The following CTNNA2 variants were observed in gnomAD, a reference collection of about 807,000 sequenced individuals.
CTNNA2 encodes the protein catenin alpha-2.
Under a neutral mutation model 101.0 loss-of-function variants are expected in CTNNA2, and 42 were observed. The ratio of observed to expected loss-of-function variants is 0.42; its 90% CI spans 0.32 to 0.54. CTNNA2 has a LOEUF of 0.54. CTNNA2 is among the 20% of genes least tolerant of loss of function. The pLI, the probability that CTNNA2 is intolerant of heterozygous loss-of-function variation, is 0.14. For synonymous variants in CTNNA2, 450 were observed against 456.4 expected (o/e 0.99, Z 0.18); for missense variants, 871 against 1,223.1 (o/e 0.71, Z 4.29).
chr2:79,501,049 G>C (rs750075619), intron 4 of CTNNA2, among the ~76,000 whole-genome samples: 3 of 152,110 alleles, frequency 2.0e-5, no homozygotes, highest in Non-Finnish European at 2.9e-5. Context: ...TCCTGAATTA[G>C]ACCTCTAAAT....
chr2:79,333,568 A>G (rs1676925682), intron 3 of CTNNA2, among the ~76,000 whole-genome samples: 1 of 152,180 alleles, frequency 6.6e-6, no homozygotes, highest in Non-Finnish European at 1.5e-5. Context: ...TCCAGCCAAC[A>G]TTTATTCCTG....
intron 15 of CTNNA2, among the ~76,000 whole-genome samples, chr2:80,593,352 T>C (rs115776936): frequency 6.6e-6 from 1 of 151,828 alleles, no homozygotes; most frequent in East Asian, 1.9e-4. Context: ...TGTTTTTTTG[T>C]TTGTTTGTTT....
intron 7 of CTNNA2, among the ~76,000 whole-genome samples, chr2:80,160,489 C>T (rs1026508481): frequency 1.3e-5 from 2 of 152,088 alleles, no homozygotes; most frequent in Non-Finnish European, 2.9e-5. Context: ...TAGTTTTCAG[C>T]CAACAAATTC....
intron 3 of CTNNA2, among the ~76,000 whole-genome samples, chr2:79,354,497 A>G (rs904392416): frequency 1.8e-4 from 28 of 152,182 alleles, no homozygotes; most frequent in African/African-American, 6.0e-4. Flanking sequence ...GTATTATAGA[A>G]TTCCTGTAGT....
chr2:79,314,586 T>C (rs1676455004), intron 3 of CTNNA2, among the ~76,000 whole-genome samples: 1 of 152,238 alleles, frequency 6.6e-6, no homozygotes, highest in Non-Finnish European at 1.5e-5. Flanking sequence ...AGAATAATTT[T>C]AGGCATCTTT....
At chr2:79,794,848 G>T (rs1423558252) in intron 3 of CTNNA2, among the ~76,000 whole-genome samples, 1 of 152,104 alleles carries the variant, frequency 6.6e-6, no homozygotes, top group Non-Finnish European at 1.5e-5. Flanking sequence ...TCTTACTTCA[G>T]GCTCCCTCTT....
intron 2 of CTNNA2, among the ~76,000 whole-genome samples, chr2:79,246,613 C>T (rs544244291): frequency 3.2e-4 from 48 of 152,262 alleles, no homozygotes; most frequent in African/African-American, 1.1e-3. Flanking sequence ...AGGGAAGACC[C>T]AATAAACATC....
At chr2:80,266,035 C>T (rs950480097) in intron 7 of CTNNA2, among the ~76,000 whole-genome samples, 5 of 152,132 alleles carry the variant, frequency 3.3e-5, no homozygotes, top group Non-Finnish European at 7.3e-5. Flanking sequence ...TATCGAGGCA[C>T]TAAAAATTGA....
chr2:79,796,482 A>T (rs1281272398), intron 3 of CTNNA2, among the ~76,000 whole-genome samples: 3 of 152,296 alleles, frequency 2.0e-5, no homozygotes, highest in African/African-American at 7.2e-5. Flanking sequence ...ATAGAAACAA[A>T]AACACATAAA....
chr2:80,441,973 C>G (rs1682631115), intron 9 of CTNNA2, among the ~76,000 whole-genome samples: 1 of 152,248 alleles, frequency 6.6e-6, no homozygotes, highest in South Asian at 2.1e-4. Flanking sequence ...CCTCCATGGG[C>G]AGGTGGCACT....
chr2:80,569,317 G>A lies in CTNNA2; in HGVS notation c.1742-4846G>A, dbSNP rs1030631235. Among the ~76,000 whole-genome samples, 18 of 152,050 alleles carry A rather than the reference G, an allele frequency of 1.2e-4. 1 individual carries two copies. Among genetic ancestry groups the A allele is most frequent in the Admixed American group, 9.2e-4 (14 of 15,254 alleles). ...CATCGTTTTGTGGCCTAGTGTGTGC[G>A]CTGCATACAGAAATATAGCTAGAAT... is the stretch of plus-strand genomic sequence containing the variant. On this transcript the variant is annotated intron_variant, in intron 12 of 18. Coordinates refer to ENST00000402739, the MANE Select transcript of CTNNA2 (RefSeq NM_001282597.3).
At chr2:80,003,045 A>T (rs1574512846) in intron 7 of CTNNA2, among the ~76,000 whole-genome samples, 1 of 152,274 alleles carries the variant, frequency 6.6e-6, no homozygotes, top group East Asian at 1.9e-4. Flanking sequence ...GTGTTTTAAA[A>T]GCCTTACCTG....
intron 7 of CTNNA2, among the ~76,000 whole-genome samples, chr2:80,273,796 T>C (rs1673686037): frequency 6.6e-6 from 1 of 152,080 alleles, no homozygotes; most frequent in Admixed American, 6.6e-5. Context: ...ACCTCAGCAA[T>C]TGCAGTCCTC....
chr2:80,639,301 C>T (rs1673194633), intron 18 of CTNNA2, among the ~76,000 whole-genome samples: 1 of 152,130 alleles, frequency 6.6e-6, no homozygotes, highest in Non-Finnish European at 1.5e-5. Context: ...CCTCCGCCTC[C>T]TGGGTTCAAG....
intron 3 of CTNNA2, among the ~76,000 whole-genome samples, chr2:79,341,905 T>G (rs1677146494): frequency 6.6e-6 from 1 of 152,210 alleles, no homozygotes; most frequent in Non-Finnish European, 1.5e-5. Flanking sequence ...AGGAGTCTGA[T>G]GTCTTTTATG....
At chr2:80,521,985 C>A (rs1689596905) in intron 9 of CTNNA2, among the ~76,000 whole-genome samples, 1 of 152,138 alleles carries the variant, frequency 6.6e-6, no homozygotes, top group African/African-American at 2.4e-5. Context: ...AAAATGAAGT[C>A]ACTTTAAGAA....
chr2:80,635,691 TGTTA>T (rs1270130208), intron 18 of CTNNA2, among the ~76,000 whole-genome samples: 9 of 152,180 alleles, frequency 5.9e-5, no homozygotes, highest in East Asian at 5.8e-4. Context: ...TGTGCAGTTC[TGTTA>T]GTTAGAAGGC....
chr2:80,289,398 C>G (rs943113590), intron 7 of CTNNA2, among the ~76,000 whole-genome samples: 11 of 152,128 alleles, frequency 7.2e-5, no homozygotes, highest in African/African-American at 2.7e-4. Flanking sequence ...AATCTCTACC[C>G]CAGTTCTCGC....
At chr2:80,406,239 C>T in intron 8 of CTNNA2, among the ~76,000 whole-genome samples, 1 of 151,878 alleles carries the variant, frequency 6.6e-6, no homozygotes, top group Non-Finnish European at 1.5e-5. Context: ...CCTGTGTTCC[C>T]AGGAGAATGA....
Sources: allele counts gnomAD v4.1 joint callset (sites outside exome capture counted in the v4.1 genomes callset), GRCh38; gene constraint gnomAD v4.1.1; transcripts MANE v1.5; gene names NCBI Gene and HGNC (gene_info 2026-07-23, HGNC 2026-07-21).